Variants in RNF144A observed in about 807,000 individuals in gnomAD.
RNF144A encodes the protein E3 ubiquitin-protein ligase RNF144A.
In RNF144A, 11 loss-of-function variants were observed where a neutral mutation model predicts 38.7. The observed-to-expected ratio is 0.28, with a 90% CI of 0.18 to 0.47. The LOEUF (loss-of-function observed/expected upper bound fraction) is 0.47, where lower values mean the gene tolerates loss of function less well. RNF144A is among the 20% of genes least tolerant of loss of function. The pLI is 0.99. For synonymous variants in RNF144A, 149 were observed against 143.9 expected, an observed-to-expected ratio of 1.04 and a Z score of -0.25; for missense variants, 316 against 377.2, an observed-to-expected ratio of 0.84 and a Z score of 1.34.
At chr2:7,024,965 G>A (rs980100324) in intron 7 of RNF144A, among the ~76,000 whole-genome samples, 9 of 151,676 alleles carry the variant, frequency 5.9e-5, no homozygotes, top group African/African-American at 2.2e-4. Flanking sequence ...CCTTCCTGGT[G>A]TTCAGGATAG....
chr2:7,029,400 T>C (rs1031794882), intron 7 of RNF144A, among the ~76,000 whole-genome samples: 20 of 152,190 alleles, frequency 1.3e-4, no homozygotes, highest in African/African-American at 4.8e-4. Flanking sequence ...GACCAACATG[T>C]GTGAGGGTCC....
At chr2:6,992,727 T>A (rs1030988059) in intron 2 of RNF144A, among the ~76,000 whole-genome samples, 4 of 152,152 alleles carry the variant, frequency 2.6e-5, no homozygotes, top group African/African-American at 9.7e-5. Flanking sequence ...TGGGATAGTT[T>A]TGGTCAAATA....
intron 6 of RNF144A, among the ~76,000 whole-genome samples, chr2:7,058,338 G>GAAAA (rs376684925): frequency 9.4e-6 from 1 of 105,988 alleles, no homozygotes; most frequent in Non-Finnish European, 2.2e-5. Flanking sequence ...TGGGGGAACT[G>GAAAA]AAAAAAAAAA....
chr2:6,936,136 A>G (rs753568100), intron 1 of RNF144A, among the ~76,000 whole-genome samples: 2 of 152,204 alleles, frequency 1.3e-5, no homozygotes, highest in Admixed American at 6.5e-5. Flanking sequence ...TTTGTGGAGC[A>G]TGTTCTTTCT....
intron 5 of RNF144A, among the ~76,000 whole-genome samples, chr2:7,016,925 G>T (rs964812244): frequency 5.3e-5 from 8 of 152,200 alleles, no homozygotes; most frequent in African/African-American, 1.9e-4. Context: ...TGATATAACA[G>T]CCTTGGTTTT....
At chr2:6,980,680 C>G (rs563249507) in intron 2 of RNF144A, among the ~76,000 whole-genome samples, 1 of 152,344 alleles carries the variant, frequency 6.6e-6, no homozygotes, top group Admixed American at 6.5e-5. Context: ...GTGCCCAGTG[C>G]AAGCTGTTGG....
At chr2:7,038,182 C>T (rs1244693588) in intron 8 of RNF144A, among the ~76,000 whole-genome samples, 1 of 152,202 alleles carries the variant, frequency 6.6e-6, no homozygotes, top group Non-Finnish European at 1.5e-5. Flanking sequence ...GACAGGGGGC[C>T]AGGTCATTCT....
At chr2:6,952,287 C>T (rs1666734914) in intron 2 of RNF144A, among the ~76,000 whole-genome samples, 1 of 151,808 alleles carries the variant, frequency 6.6e-6, no homozygotes, top group Admixed American at 6.6e-5. Flanking sequence ...CAGCTGGATT[C>T]TATTTGCCCA....
At chr2:7,045,765 A>G (rs1325107740), downstream of RNF144A, among the ~76,000 whole-genome samples, 1 of 152,170 alleles carries the variant, frequency 6.6e-6, no homozygotes, top group African/African-American at 2.4e-5. Flanking sequence ...AGGGAGGTCA[A>G]CCAGAGAAGG....
At chr2:7,014,650 G>C in intron 4 of RNF144A, 62 bp from the exon 5 acceptor site, 8 of 1,540,260 alleles carry the variant, frequency 5.2e-6, no homozygotes, top group Non-Finnish European at 7.2e-6. Flanking sequence ...TTGGGTGTGC[G>C]TTGCATTATA....
At chr2:7,005,390 A>G (rs1034139734) in intron 3 of RNF144A, among the ~76,000 whole-genome samples, 5 of 152,194 alleles carry the variant, frequency 3.3e-5, no homozygotes, top group African/African-American at 1.2e-4. Context: ...GCGTGAATCC[A>G]GCCATCAGAG....
intron 1 of RNF144A, among the ~76,000 whole-genome samples, chr2:6,926,816 T>C (rs896940890): frequency 3.9e-5 from 6 of 152,238 alleles, no homozygotes; most frequent in African/African-American, 1.4e-4. Flanking sequence ...TGTTGTTGTT[T>C]ATTTACTTTT....
At chr2:7,048,385 CTATTAT>C (rs1387352214), downstream of RNF144A, among the ~76,000 whole-genome samples, 1 of 152,158 alleles carries the variant, frequency 6.6e-6, no homozygotes, top group Non-Finnish European at 1.5e-5. Context: ...GGGACGTAAA[CTATTAT>C]TATCACAATT....
At chr2:6,963,530 G>A (rs1667472338) in intron 2 of RNF144A, among the ~76,000 whole-genome samples, 2 of 152,128 alleles carry the variant, frequency 1.3e-5, no homozygotes, top group Admixed American at 6.5e-5. Flanking sequence ...AATTGGATGT[G>A]TGAGGTATGC....
At chr2:7,037,417 T>A (rs1672751745) in intron 8 of RNF144A, among the ~76,000 whole-genome samples, 1 of 152,220 alleles carries the variant, frequency 6.6e-6, no homozygotes, top group African/African-American at 2.4e-5. Context: ...TGCCAGGTAG[T>A]CGAGGTTGCT....
At chr2:7,005,917 C>CTTTTT (rs35114772) in intron 3 of RNF144A, among the ~76,000 whole-genome samples, 1 of 140,370 alleles carries the variant, frequency 7.1e-6, no homozygotes, top group African/African-American at 2.6e-5. Context: ...ATCTGCCACT[C>CTTTTT]TTTTTTTTTT....
At chr2:7,005,220 A>G (rs80241343) in intron 3 of RNF144A, among the ~76,000 whole-genome samples, 1,557 of 152,324 alleles carry the variant, frequency 0.01, 21 homozygotes, top group African/African-American at 0.034. Context: ...AAAGCCTAGT[A>G]TATGCAGAAT....
chr2:6,999,251 G>A (rs754578241), intron 3 of RNF144A, among the ~76,000 whole-genome samples: 1 of 152,162 alleles, frequency 6.6e-6, no homozygotes. Flanking sequence ...ACCTCTGTCC[G>A]TAGCTCACTG....
intron 1 of RNF144A, among the ~76,000 whole-genome samples, chr2:6,924,255 T>TG (rs1664722892): frequency 6.6e-6 from 1 of 152,136 alleles, no homozygotes; most frequent in Non-Finnish European, 1.5e-5. Context: ...ACCATGTAAG[T>TG]GAGATCCAGA....
Sources: gnomAD v4.1 joint callset for allele counts (sites outside exome capture counted in the v4.1 genomes callset) on GRCh38, gnomAD v4.1.1 for gene constraint, MANE v1.5 for transcripts, NCBI Gene and HGNC (gene_info 2026-07-23, HGNC 2026-07-21) for gene names.